Variants in SENP2 observed in about 807,000 individuals in gnomAD.
SENP2 encodes the protein sentrin-specific protease 2.
SENP2 carries 16 observed loss-of-function variants against 86.3 expected under a neutral mutation model. That is an observed-to-expected ratio of 0.19 (90% CI 0.13 to 0.28). SENP2 has a LOEUF of 0.28. SENP2 is among the 10% of genes least tolerant of loss of function. SENP2 has a pLI of 1.00. For missense variants in SENP2, 552 were observed against 703.0 expected (o/e 0.79, Z 2.43); for synonymous variants, 222 against 238.7 (o/e 0.93, Z 0.64).
intron 5 of SENP2, among the ~76,000 whole-genome samples, chr3:185,605,308 T>C (rs976381044): frequency 2.0e-5 from 3 of 151,324 alleles, no homozygotes; most frequent in African/African-American, 4.8e-5. Flanking sequence ...GAGGTGGAGG[T>C]TGCAGTGAGC....
chr3:185,616,206 C>G (rs1252909282), intron 11 of SENP2, among the ~76,000 whole-genome samples: 1 of 146,048 alleles, frequency 6.8e-6, no homozygotes, highest in Non-Finnish European at 1.5e-5. Context: ...GGCGTGGTGG[C>G]TCACGCCTGT....
rs749391102 is a variant in SENP2 at position 185,598,586 on chromosome 3, T to A, written c.291+41T>A. On this transcript the variant is annotated intron_variant, in intron 3 of 16. Coordinates refer to ENST00000296257, the MANE Select transcript of SENP2 (RefSeq NM_021627.3). ...ACTCCATTAGGAATACTGATCTTTATACTTAATCATTATATTTTAGAAAAT... is the reference window on the plus strand; with the variant it reads ...ACTCCATTAGGAATACTGATCTTTAAACTTAATCATTATATTTTAGAAAAT... The A allele has an allele frequency of 1.9e-6, 3 of 1,560,378 alleles. No individual in the cohort carries two copies. In the South Asian group the frequency reaches 3.6e-5, roughly 19 times the overall value.
intron 3 of SENP2, 143 bp downstream of exon 3, chr3:185,598,688 C>A: frequency 2.4e-6 from 2 of 829,312 alleles, no homozygotes; most frequent in South Asian, 2.1e-5. Flanking sequence ...GCTATAAAGG[C>A]CAAGAAATTA....
chr3:185,612,814 T>A (rs1213473048), intron 9 of SENP2, among the ~76,000 whole-genome samples, 156 bp downstream of exon 9: 2 of 152,240 alleles, frequency 1.3e-5, no homozygotes, highest in East Asian at 1.9e-4. Context: ...AGCTGTTGTG[T>A]CAGATGCCCA....
chr3:185,610,487 A>T (rs1722652237), intron 7 of SENP2, among the ~76,000 whole-genome samples: 1 of 152,224 alleles, frequency 6.6e-6, no homozygotes, highest in Non-Finnish European at 1.5e-5. Flanking sequence ...GAATGCAGAA[A>T]TAACAGATTG....
At chr3:185,607,319 CTTTTTTTTTTT>C (rs758884593) in intron 6 of SENP2, among the ~76,000 whole-genome samples, 3 of 66,008 alleles carry the variant, frequency 4.5e-5, no homozygotes, top group East Asian at 4.5e-4. Flanking sequence ...AGATTAGATT[CTTTTTTTTTTT>C]TTTTTTTTTT....
intron 11 of SENP2, among the ~76,000 whole-genome samples, chr3:185,616,787 A>G (rs1711628786): frequency 6.6e-6 from 1 of 151,840 alleles, no homozygotes; most frequent in Middle Eastern, 3.4e-3. Flanking sequence ...AAAAAAAAAA[A>G]AAACGTTTAA....
chr3:185,590,590 G>A (rs1222906054), intron 2 of SENP2, among the ~76,000 whole-genome samples: 1 of 148,526 alleles, frequency 6.7e-6, no homozygotes, highest in Non-Finnish European at 1.5e-5. Context: ...TTCCTGGCCC[G>A]ACGTGGTGGC....
At chr3:185,594,808 G>A (rs1229813183) in intron 2 of SENP2, among the ~76,000 whole-genome samples, 1 of 151,936 alleles carries the variant, frequency 6.6e-6, no homozygotes, top group African/African-American at 2.4e-5. Context: ...TAGTAGAGAC[G>A]GAGTTTCACC....
chr3:185,611,694 G>A lies in SENP2; in HGVS notation c.766G>A (p.Gly256Arg), dbSNP rs1285293433. ...QMDTLKTKGWGEEQNHGVKTT... is the reference protein window; with the variant it reads ...QMDTLKTKGWREEQNHGVKTT... ...GGACACATTAAAGACCAAAGGCTGG[G>A]GGGAAGAGCAAAATCACGGAGTCAA... Residue 256 changes from glycine (G) to arginine (R), a missense_variant, in exon 8 of 17, where the codon GGG becomes AGG. Physicochemically the swap from Gly to Arg is moderately radical, Grantham distance 125 (BLOSUM62 -2). Around this residue, in one of 2 missense-constraint regions of SENP2, gnomAD observed 383 missense variants for 427.3 expected, o/e 0.90. Transcript: ENST00000296257. 6.2e-7 allele frequency: 1 copy of A among 1,613,742 alleles called. No individual in the cohort carries two copies. The highest frequency in any genetic ancestry group is 1.3e-5 in the African/African-American group (1 of 75,050).
Position 185,586,473 on chromosome 3 carries a change from G to GC in SENP2, c.65dup (p.Ala23CysfsTer21). The GC allele has an allele frequency of 6.2e-7, 1 of 1,613,808 alleles. No individual in the cohort carries two copies. ...TTTTCCGTTTCTGCGACCGGTCGGT[G>GC]CCCCCTGCCCGGGCCCTCCTGAAGA... On this transcript the variant is annotated frameshift_variant, in exon 1 of 17. Transcript: ENST00000296257. This position sits in a 1 kb window ranked among gnomAD's most constrained non-coding sequence, Gnocchi z 4.3.
At chr3:185,589,575 T>G (rs4686683) in intron 1 of SENP2, among the ~76,000 whole-genome samples, 75,117 of 152,120 alleles carry the variant, frequency 0.49, 19,474 homozygotes, top group African/African-American at 0.65. Flanking sequence ...AAGAAGTTTG[T>G]TTCTCTCTCA....
chr3:185,617,632 C>G (rs761820279), intron 12 of SENP2, 21 bp downstream of exon 12: 17 of 1,606,226 alleles, frequency 1.1e-5, no homozygotes, highest in Non-Finnish European at 1.3e-5. Context: ...TTCCCTCCCC[C>G]TTTTGGCTAT....
At position 185,596,262 on chromosome 3, in the gene SENP2, C is replaced by G. The variant is rs115103058; in HGVS notation, c.158-2150C>G. On this transcript the variant is annotated intron_variant, in intron 2 of 16. Transcript: ENST00000296257. Reference sequence around the variant, plus strand: ...TACAGGCTTGAGCCACCGTGCCCAGCCTAAGATCTTCTAACACATCTCCAC... The same window carrying G: ...TACAGGCTTGAGCCACCGTGCCCAGGCTAAGATCTTCTAACACATCTCCAC... Among the ~76,000 whole-genome samples the G allele has an allele frequency of 3.3e-3, 505 of 152,192 alleles. 5 individuals carry two copies. The highest frequency in any genetic ancestry group is 0.011 in the African/African-American group (476 of 41,528).
At chr3:185,598,105 T>G (rs1411598181) in intron 2 of SENP2, among the ~76,000 whole-genome samples, 1 of 152,224 alleles carries the variant, frequency 6.6e-6, no homozygotes. Context: ...CTCAATCTTC[T>G]GGGCTCAGGT....
intron 6 of SENP2, among the ~76,000 whole-genome samples, chr3:185,607,751 CGTG>C (rs1722566821): frequency 6.6e-6 from 1 of 152,036 alleles, no homozygotes; most frequent in African/African-American, 2.4e-5. Flanking sequence ...GTTTCAAACT[CGTG>C]GGCTCAAGCG....
At chr3:185,609,072 C>T in intron 6 of SENP2, 175 bp from the exon 7 acceptor site, 1 of 524,236 alleles carries the variant, frequency 1.9e-6, no homozygotes, top group East Asian at 3.1e-5. Context: ...ATTGTGGATT[C>T]AGTTGATCAA....
rs1158491597 is a variant in SENP2, at chr3:185,590,901, CTTTTTTTTTTTTTT to C, written c.157+742_157+755del. ...AAAAAAAAAAAAAAAAGAAAGTCTC[CTTTTTTTTTTTTTT>C]TTTTTTTTTGAGACAGAGTCTTGCT... On this transcript the variant is annotated intron_variant, in intron 2 of 16. Transcript: ENST00000296257. Among the ~76,000 whole-genome samples the C allele has an allele frequency of 7.4e-5, 7 of 94,178 alleles. No individual in the cohort carries two copies. The South Asian group carries it at 2.6e-3, about 35-fold the overall frequency. 61.8% of individuals were successfully genotyped at this position (94,178 alleles called of 152,430 possible). A position where few individuals can be genotyped will look rare whatever the true frequency, so the allele number is the denominator to read the frequency against.
chr3:185,609,612 T>A (rs569301465), intron 7 of SENP2, among the ~76,000 whole-genome samples: 73 of 152,210 alleles, frequency 4.8e-4, no homozygotes, highest in Admixed American at 8.5e-4. Context: ...GATCACTGGT[T>A]GAAGTAGGGC....
Sources: gnomAD v4.1 joint callset for allele counts (sites outside exome capture counted in the v4.1 genomes callset) on GRCh38, gnomAD v4.1.1 for gene constraint, gnomAD v4.1.1 regional missense constraint, Gnocchi (gnomAD v3.1) non-coding constraint, MANE v1.5 for transcripts, NCBI Gene and HGNC (gene_info 2026-07-23, HGNC 2026-07-21) for gene names.